Variants in DDRGK1 observed in about 807,000 individuals in gnomAD.
The protein encoded by DDRGK1 is DDRGK domain containing 1, also known as DDRGK domain-containing protein 1.
DDRGK1 carries 38 observed loss-of-function variants against 45.8 expected under a neutral mutation model. That is an observed-to-expected ratio of 0.83 (90% CI 0.64 to 1.09). The LOEUF is 1.09. Ranked by LOEUF, DDRGK1 falls within the 50% of genes least tolerant of loss-of-function variation. The pLI is 0.00. For missense variants in DDRGK1, 403 were observed against 419.9 expected, an observed-to-expected ratio of 0.96 and a Z score of 0.35; for synonymous variants, 171 against 168.7, an observed-to-expected ratio of 1.01 and a Z score of -0.11.
chr20:3,204,058 G>A (rs1363230484), intron 1 of DDRGK1, among the ~76,000 whole-genome samples: 4 of 152,184 alleles, frequency 2.6e-5, no homozygotes, highest in African/African-American at 9.7e-5. Context: ...CTCCTTGGCG[G>A]GAAGGGAGAG....
Position 3,190,382 on chromosome 20 carries a change from T to C in DDRGK1, c.*271A>G, listed in dbSNP as rs1428342500. The C allele has an allele frequency of 6.8e-6, 3 of 438,780 alleles. No individual in the cohort carries two copies. Among genetic ancestry groups the C allele is most frequent in the South Asian group, 4.7e-5 (1 of 21,482 alleles). The allele number at this position is 438,780 out of a possible 1,614,324, so 27.2% of individuals were successfully genotyped here. A position where few individuals can be genotyped will look rare whatever the true frequency, so the allele number is the denominator to read the frequency against. ...GCAACAGGCTATTTTCTTGAATGAA[T>C]GGATTCATAATAAGAACAGGACTTC... On this transcript the variant is annotated 3_prime_UTR_variant, in exon 9 of 9. Coordinates refer to ENST00000354488, the MANE Select transcript of DDRGK1 (RefSeq NM_023935.3).
At chr20:3,200,677 G>A (rs901717094) in intron 2 of DDRGK1, among the ~76,000 whole-genome samples, 8 of 152,182 alleles carry the variant, frequency 5.3e-5, no homozygotes, top group African/African-American at 1.9e-4. Flanking sequence ...ATAGGGCAAG[G>A]GAAAAGATGA....
In DDRGK1 at chr20:3,201,671, T is replaced by C. The variant is rs947959318; in HGVS notation, c.296-1217A>G. Among the ~76,000 whole-genome samples the C allele has an allele frequency of 1.2e-4, 18 of 151,642 alleles. 2 individuals carry two copies. The highest frequency in any genetic ancestry group is 1.1e-3 in the Admixed American group (17 of 15,266). On this transcript the variant is annotated intron_variant, in intron 2 of 8. Coordinates refer to ENST00000354488, the MANE Select transcript of DDRGK1 (RefSeq NM_023935.3). Reference sequence around the variant, plus strand: ...AGGGTTGTTTTTTTTGGTTTTTTTTTTTTTGAGACGGAGTCTCGCTCTGTT... The same window carrying C: ...AGGGTTGTTTTTTTTGGTTTTTTTTCTTTTGAGACGGAGTCTCGCTCTGTT...
rs1184937185 is a variant in DDRGK1, at chr20:3,200,120, T to C, written c.409-18A>G. On this transcript the variant is annotated intron_variant, in intron 3 of 8. Transcript: ENST00000354488. ...TCCTCTGCCTGGAGAGAGGTCTTCA[T>C]AGGGGCACATCCCTCACCCCCGGCT... 13 of 1,609,974 alleles carry C rather than the reference T, an allele frequency of 8.1e-6. No homozygotes were observed. Among genetic ancestry groups the C allele is most frequent in the African/African-American group, 1.3e-5 (1 of 74,928 alleles).
chr20:3,200,094 C>T lies in DDRGK1; in HGVS notation c.417G>A (p.Glu139=). The T allele has an allele frequency of 6.2e-7, 1 of 1,613,594 alleles. No homozygotes were observed. The highest frequency in any genetic ancestry group is 8.5e-7 in the Non-Finnish European group (1 of 1,179,872). Residue 139 remains glutamate, a synonymous_variant, in exon 4 of 9, where the codon GAG becomes GAA. Coordinates refer to ENST00000354488, the MANE Select transcript of DDRGK1 (RefSeq NM_023935.3). ...QARKAQREAE[E]AEREERKRLE... ...GTCGTTTCCGCTCCTCACGTTCAGC[C>T]TCCTCTGCCTGGAGAGAGGTCTTCA...
intron 8 of DDRGK1, 144 bp from the exon 9 acceptor site, chr20:3,190,963 G>T: frequency 7.5e-7 from 1 of 1,340,846 alleles, no homozygotes. Context: ...ATCCAGTCCT[G>T]CTAGGAGAGT....
At position 3,203,309 on chromosome 20, in the gene DDRGK1, G is replaced by C. The variant is rs754167534; in HGVS notation, c.199C>G (p.Arg67Gly). Residue 67 changes from arginine to glycine, a missense_variant, in exon 2 of 9, where the codon CGG becomes GGG. Arg to Gly is a moderately radical substitution (Grantham distance 125). Transcript: ENST00000354488. ...EPRAGGRPRR[R>G]RDLGSRLQAQ... ...TGTAGGCGGCTGCCCAGGTCCCTCC[G>C]GCGCCGAGGCCTGCCTCCAGCTCTC... is the stretch of plus-strand genomic sequence containing the variant. The C allele has an allele frequency of 1.9e-6, 3 of 1,608,134 alleles. No individual in the cohort carries two copies. Among genetic ancestry groups the C allele is most frequent in the Non-Finnish European group, 2.5e-6 (3 of 1,177,056 alleles).
chr20:3,191,079 C>T, intron 8 of DDRGK1, 111 bp downstream of exon 8: 2 of 1,425,058 alleles, frequency 1.4e-6, no homozygotes, highest in South Asian at 1.2e-5. Context: ...CCTTGCACAC[C>T]CCTCCCCCCA....
chr20:3,191,229 T>C lies in DDRGK1; in HGVS notation c.739A>G (p.Asn247Asp). 1 of 1,614,166 alleles carries C rather than the reference T, an allele frequency of 6.2e-7. No individual in the cohort carries two copies. Among genetic ancestry groups the C allele is most frequent in the Non-Finnish European group, 8.5e-7 (1 of 1,180,032 alleles). ...QVGLRTQDTI[N>D]RIQDLLAEGT... ...TCAGCCAGCAGGTCCTGGATGCGAT[T>C]TATGGTGTCCTATGAGGAGAACAAC... The change falls in exon 8 of 9, where the codon AAT becomes GAT. Residue 247 changes from asparagine (N) to aspartate (D), a missense_variant. Transcript: ENST00000354488.
chr20:3,204,668 G>T lies in DDRGK1; in HGVS notation c.-41C>A. 1 of 1,540,136 alleles carries T rather than the reference G, an allele frequency of 6.5e-7. No individual in the cohort carries two copies. The highest frequency in any genetic ancestry group is 8.7e-7 in the Non-Finnish European group (1 of 1,145,372). The stretch of plus-strand genomic sequence containing the variant: ...GCAGAACCACTGCGTCCACCCTGAG[G>T]CCGGGATCTCATAGGCCCCGCCCCT... On this transcript the variant is annotated 5_prime_UTR_variant, in exon 1 of 9. Transcript: ENST00000354488.
At position 3,200,381 on chromosome 20, in the gene DDRGK1, C is replaced by A; in HGVS notation, c.369G>T (p.Arg123=). 1 of 1,579,370 alleles carries A rather than the reference C, an allele frequency of 6.3e-7. No individual in the cohort carries two copies. The highest frequency in any genetic ancestry group is 8.6e-7 in the Non-Finnish European group (1 of 1,162,212). The change falls in exon 3 of 9, where the codon CGG becomes CGT. Residue 123 remains arginine (R), a synonymous_variant. Transcript: ENST00000354488. ...TTCGCGCTTGTTTCTCCTCCAGCTT[C>A]CGCAGTTTCTTAGCTCCAATTTTCC... is the stretch of plus-strand genomic sequence containing the variant. ...LSGKIGAKKL[R]KLEEKQARKA...
Position 3,191,185 on chromosome 20 carries a change from C to T in DDRGK1, c.778+5G>A. On this transcript the variant is annotated splice_donor_5th_base_variant and intron_variant, in intron 8 of 8. Coordinates refer to ENST00000354488, the MANE Select transcript of DDRGK1 (RefSeq NM_023935.3). The stretch of plus-strand genomic sequence containing the variant: ...GACTGCAGTGATTGGCTCTCATCAT[C>T]TCACCTGTTATAGTCCCCTCAGCCA... 5 of 1,614,240 alleles carry T rather than the reference C, an allele frequency of 3.1e-6. No individual in the cohort carries two copies. Among genetic ancestry groups the T allele is most frequent in the Non-Finnish European group, 4.2e-6 (5 of 1,180,044 alleles).
intron 3 of DDRGK1, 28 bp downstream of exon 3, chr20:3,200,314 A>G (rs1183342104): frequency 6.4e-7 from 1 of 1,551,656 alleles, no homozygotes; most frequent in East Asian, 2.4e-5. Context: ...CGCACTTCCC[A>G]GAGCTGCACC....
At position 3,195,167 on chromosome 20, in the gene DDRGK1, TTGCGTCTGGCACAGGCTGCACTGA is replaced by T. The variant is rs1419933739; in HGVS notation, c.633+40_633+63del. ...GGCGTCTGGGATGGGGTGGCTAGCC[TTGCGTCTGGCACAGGCTGCACTGA>T]TGGGTGCAGAGAGGGGCTTCCCAGG... On this transcript the variant is annotated intron_variant, in intron 5 of 8. Coordinates refer to ENST00000354488, the MANE Select transcript of DDRGK1 (RefSeq NM_023935.3). 2.5e-6 allele frequency: 4 copies of T among 1,610,006 alleles called. No homozygotes were observed. In the Admixed American group the frequency reaches 6.8e-5, roughly 27 times the overall value.
At chr20:3,196,961 G>A (rs1056631343) in intron 4 of DDRGK1, among the ~76,000 whole-genome samples, 29 of 152,038 alleles carry the variant, frequency 1.9e-4, no homozygotes, top group South Asian at 1.0e-3. Context: ...GGTGGCTCAC[G>A]CTGGTAATCC....
At position 3,191,104 on chromosome 20, in the gene DDRGK1, C is replaced by T. The variant is rs2066987682; in HGVS notation, c.778+86G>A. On this transcript the variant is annotated intron_variant, in intron 8 of 8. Coordinates refer to ENST00000354488, the MANE Select transcript of DDRGK1 (RefSeq NM_023935.3). The stretch of plus-strand genomic sequence containing the variant: ...CCCTCCCCCCATCTTGGGTGGTCAT[C>T]CTGCCTCTGCAGCACATCCCTGCAG... 3.2e-6 allele frequency: 5 copies of T among 1,564,572 alleles called. No homozygotes were observed. The East Asian group carries it at 6.7e-5, about 21-fold the overall frequency.
intron 2 of DDRGK1, among the ~76,000 whole-genome samples, chr20:3,201,259 G>A (rs1397643023): frequency 7.1e-6 from 1 of 141,078 alleles, no homozygotes; most frequent in African/African-American, 2.7e-5. Flanking sequence ...ACTCCATCCA[G>A]CCTGGGCGAC....
intron 4 of DDRGK1, among the ~76,000 whole-genome samples, chr20:3,196,503 C>CG (rs1341622850): frequency 8.4e-6 from 1 of 119,754 alleles, no homozygotes; most frequent in African/African-American, 3.3e-5. Flanking sequence ...CGGTGAAACC[C>CG]TGTCTCCACT....
intron 4 of DDRGK1, among the ~76,000 whole-genome samples, chr20:3,196,465 C>T (rs780968266): frequency 2.0e-5 from 3 of 151,452 alleles, no homozygotes; most frequent in Admixed American, 6.6e-5. Context: ...ATCACGAGGT[C>T]AGGAGATCGA....
Sources: gnomAD v4.1 joint callset for allele counts (sites outside exome capture counted in the v4.1 genomes callset) on GRCh38, gnomAD v4.1.1 for gene constraint, MANE v1.5 for transcripts, NCBI Gene and HGNC (gene_info 2026-07-23, HGNC 2026-07-21) for gene names.